SPOCK1: variants seen among roughly 807,000 people sequenced by gnomAD.
SPOCK1 encodes testican-1.
A neutral mutation model predicts 55.3 loss-of-function variants in SPOCK1; 23 were observed. The observed-to-expected ratio is 0.42, with a 90% CI of 0.30 to 0.59. SPOCK1 has a LOEUF of 0.59. Among genes scored for constraint, SPOCK1 ranks in the 20% least tolerant of loss-of-function variants. The pLI, the probability that SPOCK1 is intolerant of heterozygous loss-of-function variation, is 0.22. For missense variants in SPOCK1, 499 were observed against 552.5 expected (o/e 0.90, Z 0.97); for synonymous variants, 226 against 221.0 (o/e 1.02, Z -0.20).
At chr5:137,405,658 A>G (rs910186013) in intron 2 of SPOCK1, among the ~76,000 whole-genome samples, 4 of 152,186 alleles carry the variant, frequency 2.6e-5, no homozygotes, top group African/African-American at 9.6e-5. Flanking sequence ...GAGAGGTACC[A>G]AGAAGAACAA....
chr5:137,144,417 T>A (rs1408091751), intron 3 of SPOCK1, among the ~76,000 whole-genome samples: 1 of 152,188 alleles, frequency 6.6e-6, no homozygotes, highest in Non-Finnish European at 1.5e-5. Flanking sequence ...CATACAGAAA[T>A]CAAGTCTGCT....
intron 4 of SPOCK1, among the ~76,000 whole-genome samples, chr5:137,123,584 A>T (rs1753724893): frequency 6.6e-6 from 1 of 152,194 alleles, no homozygotes; most frequent in African/African-American, 2.4e-5. Flanking sequence ...CAGCAGAACC[A>T]GACAGAACCT....
intron 4 of SPOCK1, among the ~76,000 whole-genome samples, chr5:137,128,753 A>G (rs1753822667): frequency 6.6e-6 from 1 of 152,190 alleles, no homozygotes; most frequent in African/African-American, 2.4e-5. Context: ...ACTAATAAAC[A>G]CTACTAAGTA....
chr5:137,497,324 A>C lies in SPOCK1; in HGVS notation c.186+1049T>G, dbSNP rs149617124. 1.6e-4 allele frequency among the ~76,000 whole-genome samples: 24 copies of C among 152,392 alleles called. No homozygotes were observed. The East Asian group carries it at 4.6e-3, about 29-fold the overall frequency. ...ATTAGTTTAACACCTAAAACTGATC[A>C]GAAACAAACAAAAAGAAACAGTGCC... On this transcript the variant is annotated intron_variant, in intron 2 of 10. Transcript: ENST00000394945.
chr5:137,341,200 C>T (rs1289906647), intron 2 of SPOCK1, among the ~76,000 whole-genome samples: 1 of 152,264 alleles, frequency 6.6e-6, no homozygotes, highest in Non-Finnish European at 1.5e-5. Context: ...ACTTTATGCT[C>T]TGCAAGGCAA....
intron 3 of SPOCK1, among the ~76,000 whole-genome samples, chr5:137,255,260 A>G (rs1451966117): frequency 6.6e-6 from 1 of 152,176 alleles, no homozygotes; most frequent in Non-Finnish European, 1.5e-5. Flanking sequence ...TGGCCTCACT[A>G]CTATGAATAC....
intron 3 of SPOCK1, among the ~76,000 whole-genome samples, chr5:137,215,438 G>A (rs934521410): frequency 5.1e-4 from 77 of 152,066 alleles, no homozygotes; most frequent in African/African-American, 1.8e-3. Flanking sequence ...AGGGACAAGA[G>A]GAAAAGCCAC....
At chr5:137,091,191 T>C (rs1753048850) in intron 5 of SPOCK1, among the ~76,000 whole-genome samples, 2 of 152,180 alleles carry the variant, frequency 1.3e-5, no homozygotes. Flanking sequence ...CAGTAGGTCA[T>C]TTCTCCTATC....
At chr5:137,011,491 A>G (rs1751347294) in intron 6 of SPOCK1, among the ~76,000 whole-genome samples, 1 of 152,102 alleles carries the variant, frequency 6.6e-6, no homozygotes, top group African/African-American at 2.4e-5. Context: ...GCTTTCCACA[A>G]TTTCCCAGCA....
chr5:137,209,723 T>C (rs1333856279), intron 3 of SPOCK1, among the ~76,000 whole-genome samples: 1 of 152,098 alleles, frequency 6.6e-6, no homozygotes, highest in African/African-American at 2.4e-5. Flanking sequence ...GCCAGGAAAG[T>C]TACATTATAT....
At chr5:137,429,875 G>C (rs887027866) in intron 2 of SPOCK1, among the ~76,000 whole-genome samples, 2 of 152,188 alleles carry the variant, frequency 1.3e-5, no homozygotes, top group African/African-American at 2.4e-5. Flanking sequence ...ACAACACTAT[G>C]GCAGAAATTA....
intron 5 of SPOCK1, among the ~76,000 whole-genome samples, chr5:137,084,482 G>A (rs1203478231): frequency 6.6e-6 from 1 of 151,958 alleles, no homozygotes; most frequent in Non-Finnish European, 1.5e-5. Flanking sequence ...TGCCAGCCAG[G>A]GGCATTTCTA....
intron 2 of SPOCK1, among the ~76,000 whole-genome samples, chr5:137,359,638 C>G (rs972400093): frequency 1.3e-5 from 2 of 152,178 alleles, no homozygotes; most frequent in African/African-American, 4.8e-5. Flanking sequence ...TGCTTGCAGG[C>G]CTTTGCTAAT....
chr5:137,459,286 G>T (rs1753430367), intron 2 of SPOCK1, among the ~76,000 whole-genome samples: 1 of 152,158 alleles, frequency 6.6e-6, no homozygotes, highest in Non-Finnish European at 1.5e-5. Context: ...CAACAAAGCA[G>T]TCCCTGTGAC....
At chr5:137,438,061 G>A (rs1004734062) in intron 2 of SPOCK1, among the ~76,000 whole-genome samples, 3 of 152,078 alleles carry the variant, frequency 2.0e-5, no homozygotes, top group African/African-American at 7.2e-5. Flanking sequence ...TGGCCCCAAG[G>A]TTTATCCATG....
At chr5:137,259,603 C>A (rs1393707281) in intron 3 of SPOCK1, among the ~76,000 whole-genome samples, 1 of 149,298 alleles carries the variant, frequency 6.7e-6, no homozygotes, top group East Asian at 2.0e-4. Flanking sequence ...CAACCCTGCA[C>A]ATTCTGCACA....
At chr5:137,112,378 G>A (rs1753491600) in intron 5 of SPOCK1, 57 bp downstream of exon 5, 9 of 1,593,772 alleles carry the variant, frequency 5.6e-6, no homozygotes, top group Admixed American at 3.5e-5. Flanking sequence ...ATAGAGAAGT[G>A]TTAGAACAAG....
chr5:137,426,322 G>A (rs1344214391), intron 2 of SPOCK1, among the ~76,000 whole-genome samples: 5 of 152,244 alleles, frequency 3.3e-5, no homozygotes, highest in African/African-American at 7.2e-5. Flanking sequence ...ATTATCAACT[G>A]CTTACTCCCC....
chr5:137,051,818 AAAG>A (rs1203899627), intron 6 of SPOCK1, among the ~76,000 whole-genome samples: 2 of 152,226 alleles, frequency 1.3e-5, no homozygotes, highest in Non-Finnish European at 2.9e-5. Context: ...CAGTATGATC[AAAG>A]AAGTAAGAAA....
Sources: gnomAD v4.1 joint callset for allele counts (sites outside exome capture counted in the v4.1 genomes callset) on GRCh38, gnomAD v4.1.1 for gene constraint, MANE v1.5 for transcripts, NCBI Gene and HGNC (gene_info 2026-07-23, HGNC 2026-07-21) for gene names.